The following CAMK4 variants were observed in gnomAD, a reference collection of about 807,000 sequenced individuals.
CAMK4 encodes calcium/calmodulin dependent protein kinase IV.
A neutral mutation model predicts 44.9 loss-of-function variants in CAMK4; 22 were observed. That is an observed-to-expected ratio of 0.49 (90% CI 0.35 to 0.70). The LOEUF (loss-of-function observed/expected upper bound fraction) is 0.70, where lower values mean the gene tolerates loss of function less well. Ranked by LOEUF, CAMK4 falls within the 30% of genes least tolerant of loss-of-function variation. The probability of loss-of-function intolerance (pLI) is 0.01; values close to 1 mark genes in which losing one functional copy is unlikely to be tolerated. For missense variants in CAMK4, 498 were observed against 586.8 expected (o/e 0.85, Z 1.56); for synonymous variants, 218 against 215.4 (o/e 1.01, Z -0.11).
chr5:111,457,936 G>T (rs886319795), intron 7 of CAMK4, among the ~76,000 whole-genome samples: 2 of 152,204 alleles, frequency 1.3e-5, no homozygotes, highest in African/African-American at 4.8e-5. Context: ...TTAATTAAAT[G>T]CATGGTAAAA....
intron 1 of CAMK4, among the ~76,000 whole-genome samples, chr5:111,244,485 T>A (rs1749144604): frequency 6.6e-6 from 1 of 152,232 alleles, no homozygotes; most frequent in Non-Finnish European, 1.5e-5. Context: ...GGGGCTGAGA[T>A]ATTCTTTGTC....
intron 7 of CAMK4, among the ~76,000 whole-genome samples, chr5:111,463,718 G>A (rs1754721499): frequency 6.6e-6 from 1 of 152,150 alleles, no homozygotes; most frequent in Admixed American, 6.6e-5. Context: ...AGCTCCACTG[G>A]GTGGCTAGAT....
intron 5 of CAMK4, among the ~76,000 whole-genome samples, chr5:111,406,001 A>G (rs1357248453): frequency 6.6e-6 from 1 of 152,160 alleles, no homozygotes; most frequent in Non-Finnish European, 1.5e-5. Flanking sequence ...AGATAGCAGG[A>G]CTTAGAGGAT....
chr5:111,441,431 C>T (rs1001834003), intron 5 of CAMK4, among the ~76,000 whole-genome samples: 1 of 152,122 alleles, frequency 6.6e-6, no homozygotes, highest in Non-Finnish European at 1.5e-5. Flanking sequence ...TATTTTTATT[C>T]CTTAAAGTTT....
At chr5:111,267,849 G>C (rs977395582) in intron 1 of CAMK4, among the ~76,000 whole-genome samples, 1 of 138,918 alleles carries the variant, frequency 7.2e-6, no homozygotes, top group African/African-American at 3.0e-5. Context: ...GTAAATATTA[G>C]TGAGAATGCT....
At position 111,396,631 on chromosome 5, in the gene CAMK4, C is replaced by CTTTTTTTTTTTTTTTTTTTTTTTTTT. The variant is rs540495109; in HGVS notation, c.459+1851_459+1876dup. ...ACTTTAATTGCCATTAACTCATATT[C>CTTTTTTTTTTTTTTTTTTTTTTTTTT]TTTTTTTTTTTTTTTTTTTTTTTTT... On this transcript the variant is annotated intron_variant, in intron 5 of 10. Coordinates refer to ENST00000282356, the MANE Select transcript of CAMK4 (RefSeq NM_001744.6). 6.4e-5 allele frequency among the ~76,000 whole-genome samples: 3 copies of CTTTTTTTTTTTTTTTTTTTTTTTTTT among 47,014 alleles called. 1 individual carries two copies. The highest frequency in any genetic ancestry group is 1.7e-4 in the African/African-American group (2 of 11,444). The allele number at this position is 47,014 out of a possible 152,430, so 30.8% of individuals were successfully genotyped here.
intron 5 of CAMK4, among the ~76,000 whole-genome samples, chr5:111,421,143 C>G (rs1487502855): frequency 6.6e-6 from 1 of 152,188 alleles, no homozygotes; most frequent in Non-Finnish European, 1.5e-5. Context: ...ACTTCACAAT[C>G]CACGTTCTTC....
intron 5 of CAMK4, among the ~76,000 whole-genome samples, chr5:111,415,916 A>G (rs1752798803): frequency 6.6e-6 from 1 of 152,250 alleles, no homozygotes; most frequent in Non-Finnish European, 1.5e-5. Context: ...TAAGTAATCT[A>G]CAGATGATTT....
intron 1 of CAMK4, among the ~76,000 whole-genome samples, chr5:111,247,833 A>G (rs1385472630): frequency 6.6e-6 from 1 of 152,212 alleles, no homozygotes. Flanking sequence ...ATGTGCTACT[A>G]TAGTTTAGAA....
At chr5:111,413,355 G>C (rs1752695480) in intron 5 of CAMK4, among the ~76,000 whole-genome samples, 1 of 152,108 alleles carries the variant, frequency 6.6e-6, no homozygotes, top group South Asian at 2.1e-4. Flanking sequence ...GAGGCAGGCA[G>C]ATCTCGAGGT....
At chr5:111,349,865 T>C (rs574190971) in intron 2 of CAMK4, among the ~76,000 whole-genome samples, 1 of 152,110 alleles carries the variant, frequency 6.6e-6, no homozygotes, top group Non-Finnish European at 1.5e-5. Flanking sequence ...AGAATTCAGA[T>C]GAAATTTCTA....
At chr5:111,355,378 CAAG>C (rs1750295784) in intron 2 of CAMK4, among the ~76,000 whole-genome samples, 1 of 152,010 alleles carries the variant, frequency 6.6e-6, no homozygotes, top group Non-Finnish European at 1.5e-5. Context: ...CTTTACCATT[CAAG>C]AATATACTTG....
At chr5:111,368,875 C>T (rs1750896751) in intron 2 of CAMK4, among the ~76,000 whole-genome samples, 1 of 151,856 alleles carries the variant, frequency 6.6e-6, no homozygotes, top group South Asian at 2.1e-4. Context: ...TGGGCCCCAG[C>T]ATTCAGAGAA....
intron 1 of CAMK4, among the ~76,000 whole-genome samples, chr5:111,317,917 A>AAAAAAAAAAAAAAAAAG (rs1748499433): frequency 6.8e-6 from 1 of 146,174 alleles, no homozygotes; most frequent in Non-Finnish European, 1.5e-5. Context: ...AAAAAAAAAA[A>AAAAAAAAAAAAAAAAAG]AAAAAAAAAA....
chr5:111,277,781 T>C (rs900691169), intron 1 of CAMK4, among the ~76,000 whole-genome samples: 1 of 152,188 alleles, frequency 6.6e-6, no homozygotes, highest in South Asian at 2.1e-4. Context: ...ATATCACTGC[T>C]TCTATTGATG....
intron 1 of CAMK4, among the ~76,000 whole-genome samples, chr5:111,232,902 G>A (rs914850805): frequency 3.9e-5 from 6 of 152,176 alleles, no homozygotes; most frequent in African/African-American, 1.4e-4. Flanking sequence ...TAGGCTTGAA[G>A]GCCATTCAGT....
chr5:111,300,838 A>C (rs568899867), intron 1 of CAMK4, among the ~76,000 whole-genome samples: 61 of 152,374 alleles, frequency 4.0e-4, no homozygotes, highest in African/African-American at 1.3e-3. Context: ...TTGAAACTGC[A>C]TATTTAAATT....
chr5:111,424,513 C>T (rs572554463), intron 5 of CAMK4, among the ~76,000 whole-genome samples: 6 of 124,422 alleles, frequency 4.8e-5, no homozygotes, highest in East Asian at 2.5e-4. Flanking sequence ...GGTGTGATCT[C>T]GGCTCACTGC....
intron 4 of CAMK4, among the ~76,000 whole-genome samples, chr5:111,380,570 T>G (rs1561451525): frequency 6.6e-6 from 1 of 152,222 alleles, no homozygotes; most frequent in Non-Finnish European, 1.5e-5. Flanking sequence ...TGTGTCCATG[T>G]GTTCTCATCA....
Sources: allele counts gnomAD v4.1 joint callset (sites outside exome capture counted in the v4.1 genomes callset), GRCh38; gene constraint gnomAD v4.1.1; transcripts MANE v1.5; gene names NCBI Gene and HGNC (gene_info 2026-07-23, HGNC 2026-07-21).